The following MED20 variants were observed in gnomAD, a reference collection of about 807,000 sequenced individuals.
The protein encoded by MED20 is mediator of RNA polymerase II transcription subunit 20.
Under a neutral mutation model 19.7 loss-of-function variants are expected in MED20, and 19 were observed. That is an observed-to-expected ratio of 0.96 (90% CI 0.67 to 1.42). The LOEUF (loss-of-function observed/expected upper bound fraction) is 1.42. MED20 is among the 40% of genes most tolerant of loss of function. The pLI is 0.00. For missense variants in MED20, 225 were observed against 273.0 expected (o/e 0.82, Z 1.24); for synonymous variants, 105 against 104.8 (o/e 1.00, Z -0.01).
chr6:41,910,980 G>A (rs1297358816), intron 2 of MED20, among the ~76,000 whole-genome samples: 3 of 149,978 alleles, frequency 2.0e-5, no homozygotes, highest in Non-Finnish European at 3.0e-5. Flanking sequence ...ATGGTGGCAT[G>A]CGCCTGTAAT....
intron 2 of MED20, among the ~76,000 whole-genome samples, chr6:41,914,463 T>C (rs931473884): frequency 2.0e-5 from 3 of 152,166 alleles, no homozygotes; most frequent in African/African-American, 7.2e-5. Context: ...ACAGATAGGT[T>C]GTGGGAGTTA....
At chr6:41,911,502 C>T (rs569291693) in intron 2 of MED20, among the ~76,000 whole-genome samples, 5 of 151,770 alleles carry the variant, frequency 3.3e-5, no homozygotes, top group South Asian at 2.1e-4. Flanking sequence ...AAGTTATTAC[C>T]GAGGAAAGAC....
chr6:41,907,384 C>A, intron 3 of MED20, 97 bp from the exon 4 acceptor site: 2 of 1,195,540 alleles, frequency 1.7e-6, no homozygotes, highest in Non-Finnish European at 2.3e-6. Context: ...CTTCCCCAAC[C>A]CCGAGCTAAA....
At chr6:41,914,669 T>G (rs1775271206) in intron 2 of MED20, among the ~76,000 whole-genome samples, 1 of 151,412 alleles carries the variant, frequency 6.6e-6, no homozygotes, top group Admixed American at 6.6e-5. Context: ...CAGTGAGCTG[T>G]GATCATGCTA....
In MED20 at chr6:41,909,533, C is replaced by T. The variant is rs772475826; in HGVS notation, c.170-11G>A. 35 of 1,611,998 alleles carry T rather than the reference C, an allele frequency of 2.2e-5. 3 individuals are homozygous for T. The South Asian group carries it at 3.5e-4, about 16-fold the overall frequency. On this transcript the variant is annotated splice_polypyrimidine_tract_variant and intron_variant, in intron 2 of 3. Transcript: ENST00000265350. ...GCTTCCCGGTCTGACCTGCAAGGGA[C>T]AGAGATCCTATTCATCATCAAGACT...
chr6:41,908,880 C>A (rs1157188340), intron 3 of MED20: 2 of 250,058 alleles, frequency 8.0e-6, no homozygotes, highest in East Asian at 1.5e-4. Context: ...GCATAAATAT[C>A]TGTTTAAATT....
intron 1 of MED20, among the ~76,000 whole-genome samples, chr6:41,919,495 C>T (rs2127382220): frequency 6.6e-6 from 1 of 152,212 alleles, no homozygotes; most frequent in Non-Finnish European, 1.5e-5. Flanking sequence ...CACTGATAAA[C>T]GATGTTGCTA....
chr6:41,911,445 C>A (rs1431385455), intron 2 of MED20, among the ~76,000 whole-genome samples: 1 of 151,910 alleles, frequency 6.6e-6, no homozygotes, highest in Non-Finnish European at 1.5e-5. Flanking sequence ...GCCGCCACGC[C>A]CAGCTGAGAT....
intron 3 of MED20, among the ~76,000 whole-genome samples, chr6:41,908,193 C>A (rs1775104578): frequency 6.6e-6 from 1 of 152,252 alleles, no homozygotes; most frequent in Non-Finnish European, 1.5e-5. Flanking sequence ...CCAGAGCCAA[C>A]TGCCTCTTTT....
intron 1 of MED20, among the ~76,000 whole-genome samples, chr6:41,918,590 G>T (rs1249677080): frequency 2.0e-5 from 3 of 151,862 alleles, no homozygotes; most frequent in African/African-American, 7.3e-5. Context: ...AAGGCGGGCA[G>T]ATCACGAGGT....
intron 1 of MED20, among the ~76,000 whole-genome samples, chr6:41,918,676 G>A (rs1447744289): frequency 2.0e-5 from 3 of 151,866 alleles, no homozygotes; most frequent in African/African-American, 4.8e-5. Context: ...GGCCGGGCGC[G>A]GTGGCTCACG....
intron 2 of MED20, among the ~76,000 whole-genome samples, chr6:41,912,635 G>A (rs113655378): frequency 0.018 from 2,737 of 152,128 alleles, 60 homozygotes; most frequent in African/African-American, 0.056. Context: ...GGGATTCCAG[G>A]CATGAGCCAC....
At chr6:41,917,579 AG>A (rs1582063842) in intron 1 of MED20, 2 of 346,020 alleles carry the variant, frequency 5.8e-6, no homozygotes, top group East Asian at 1.5e-4. Context: ...AGCCCCTCTA[AG>A]AACTGGAGCA....
chr6:41,909,693 A>C (rs1024298385), intron 2 of MED20, among the ~76,000 whole-genome samples, 171 bp from the exon 3 acceptor site: 1 of 152,106 alleles, frequency 6.6e-6, no homozygotes, highest in East Asian at 1.9e-4. Context: ...CTAGAAAGGT[A>C]GGGGGAAATA....
At chr6:41,909,720 G>A (rs539961505) in intron 2 of MED20, among the ~76,000 whole-genome samples, 198 bp from the exon 3 acceptor site, 2 of 152,298 alleles carry the variant, frequency 1.3e-5, no homozygotes, top group African/African-American at 4.8e-5. Flanking sequence ...GAGGCAGCAT[G>A]TGGTAAAACC....
In MED20 at chr6:41,913,358, G is replaced by A. The variant is rs545046713; in HGVS notation, c.169+3427C>T. 3.9e-5 allele frequency among the ~76,000 whole-genome samples: 6 copies of A among 152,308 alleles called. No homozygotes were observed. The East Asian group carries it at 1.2e-3, about 29-fold the overall frequency. On this transcript the variant is annotated intron_variant, in intron 2 of 3. Coordinates refer to ENST00000265350, the MANE Select transcript of MED20 (RefSeq NM_004275.5). ...TCTTTCCTGCCTGCCATGAAGGCGT[G>A]CTGTCTCCCCAACTAGACTGTGGCT...
At chr6:41,911,604 A>C (rs78353313) in intron 2 of MED20, among the ~76,000 whole-genome samples, 2 of 152,328 alleles carry the variant, frequency 1.3e-5, no homozygotes, top group East Asian at 3.9e-4. Flanking sequence ...TTGAACTGCA[A>C]TATGAAGAGA....
At chr6:41,915,789 A>AACACACACACACACACAC (rs34924867) in intron 2 of MED20, among the ~76,000 whole-genome samples, 8,580 of 148,620 alleles carry the variant, frequency 0.058, 467 homozygotes, top group African/African-American at 0.13. Flanking sequence ...TCCGTCTCAA[A>AACACACACACACACACAC]ACACACACAC....
rs143662940 is a variant in MED20 at position 41,908,611 on chromosome 6, T to C, written c.423+658A>G. On this transcript the variant is annotated intron_variant, in intron 3 of 3. Coordinates refer to ENST00000265350, the MANE Select transcript of MED20 (RefSeq NM_004275.5). ...TTAGGGCCCACCGCCAGAAAATTGT[T>C]CTAAGAGTTGTCCTGGTCTGCTCCA... Among the ~76,000 whole-genome samples the C allele has an allele frequency of 2.5e-4, 38 of 152,338 alleles. No individual in the cohort carries two copies. The Middle Eastern group carries it at 0.01, about 41-fold the overall frequency.
Sources: gnomAD v4.1 joint callset for allele counts (sites outside exome capture counted in the v4.1 genomes callset) on GRCh38, gnomAD v4.1.1 for gene constraint, MANE v1.5 for transcripts, NCBI Gene and HGNC (gene_info 2026-07-23, HGNC 2026-07-21) for gene names.